AUTS2: variants seen among roughly 807,000 people sequenced by gnomAD.
AUTS2 encodes the protein activator of transcription and developmental regulator AUTS2, also known as autism susceptibility gene 2 protein.
AUTS2 carries 17 observed loss-of-function variants against 112.4 expected under a neutral mutation model. That is an observed-to-expected ratio of 0.15 (90% CI 0.10 to 0.23). The LOEUF (loss-of-function observed/expected upper bound fraction) is 0.23, where lower values mean the gene tolerates loss of function less well. Among genes scored for constraint, AUTS2 ranks in the 10% least tolerant of loss-of-function variants. AUTS2 has a pLI of 1.00. For synonymous variants in AUTS2, 751 were observed against 702.7 expected, an observed-to-expected ratio of 1.07 and a Z score of -1.09; for missense variants, 1,510 against 1,701.6, an observed-to-expected ratio of 0.89 and a Z score of 1.98.
intron 1 of AUTS2, among the ~76,000 whole-genome samples, chr7:69,737,756 T>C (rs1176977122): frequency 6.6e-6 from 1 of 152,210 alleles, no homozygotes; most frequent in Non-Finnish European, 1.5e-5. Context: ...TGCTTATTTG[T>C]CATGCATAAA....
At chr7:70,268,247 G>C (rs1000745060) in intron 4 of AUTS2, among the ~76,000 whole-genome samples, 8 of 152,116 alleles carry the variant, frequency 5.3e-5, no homozygotes, top group Non-Finnish European at 1.2e-4. Context: ...ACATTTTAGT[G>C]CTTCTGGATA....
intron 2 of AUTS2, among the ~76,000 whole-genome samples, chr7:70,068,404 T>G (rs1183406140): frequency 2.0e-5 from 3 of 151,994 alleles, no homozygotes; most frequent in African/African-American, 7.3e-5. Flanking sequence ...CAGGATGGTC[T>G]TGATCTCCTG....
intron 6 of AUTS2, among the ~76,000 whole-genome samples, chr7:70,720,317 C>T (rs1810595679): frequency 6.6e-6 from 1 of 152,050 alleles, no homozygotes; most frequent in Non-Finnish European, 1.5e-5. Context: ...AGTACACCCG[C>T]TGCCTCGGGG....
intron 1 of AUTS2, among the ~76,000 whole-genome samples, chr7:69,639,562 A>T (rs912328650): frequency 6.6e-6 from 1 of 152,184 alleles, no homozygotes; most frequent in African/African-American, 2.4e-5. Context: ...GTGTCTTTTC[A>T]TTTTCTGATC....
At chr7:70,242,923 A>G (rs1812699375) in intron 4 of AUTS2, among the ~76,000 whole-genome samples, 1 of 152,168 alleles carries the variant, frequency 6.6e-6, no homozygotes. Context: ...TTTCTTCTCT[A>G]AAGTAGTAAA....
chr7:70,193,359 T>C (rs34215431), intron 4 of AUTS2, among the ~76,000 whole-genome samples: 21,302 of 152,206 alleles, frequency 0.14, 1,501 homozygotes, highest in South Asian at 0.19. Context: ...GCAAATAGAT[T>C]TGTATCTTAA....
At chr7:69,603,090 G>T (rs921917693) in intron 1 of AUTS2, among the ~76,000 whole-genome samples, 1 of 152,184 alleles carries the variant, frequency 6.6e-6, no homozygotes, top group African/African-American at 2.4e-5. Flanking sequence ...TACGTAGTAT[G>T]TTTTCGGGCC....
At chr7:70,770,298 A>T (rs1790252485) in intron 10 of AUTS2, among the ~76,000 whole-genome samples, 1 of 152,234 alleles carries the variant, frequency 6.6e-6, no homozygotes, top group Non-Finnish European at 1.5e-5. Context: ...ACTTTGCTGC[A>T]TCATTGAAGG....
At chr7:69,745,213 T>C (rs1177713291) in intron 1 of AUTS2, among the ~76,000 whole-genome samples, 1 of 152,180 alleles carries the variant, frequency 6.6e-6, no homozygotes, top group African/African-American at 2.4e-5. Context: ...CTGGTGAGAA[T>C]AGTAACATCA....
At chr7:69,847,784 A>G (rs890607177) in intron 1 of AUTS2, among the ~76,000 whole-genome samples, 2 of 152,184 alleles carry the variant, frequency 1.3e-5, no homozygotes, top group African/African-American at 4.8e-5. Context: ...GAGGACAGAG[A>G]AAGGGAAGCT....
chr7:70,004,041 A>G (rs1268558346), intron 2 of AUTS2, among the ~76,000 whole-genome samples: 1 of 120,274 alleles, frequency 8.3e-6, no homozygotes, highest in Non-Finnish European at 1.6e-5. Context: ...TATATTATAT[A>G]TGAATGTGTT....
intron 6 of AUTS2, among the ~76,000 whole-genome samples, chr7:70,736,178 G>A (rs914152284): frequency 2.6e-5 from 4 of 151,766 alleles, no homozygotes; most frequent in African/African-American, 9.7e-5. Context: ...AAATCAAAGG[G>A]GAATGAAAGG....
In AUTS2 at chr7:70,496,755, AC is replaced by A. The variant is rs550650154; in HGVS notation, c.690+60978del. Among the ~76,000 whole-genome samples, 221 of 127,088 alleles carry A rather than the reference AC, an allele frequency of 1.7e-3. 3 individuals carry two copies. The highest frequency in any genetic ancestry group is 6.6e-3 in the African/African-American group (216 of 32,778). The allele number at this position is 127,088 out of a possible 152,430, so 83.4% of individuals were successfully genotyped here. ...CACGTCACATCAGCGTCGATCACACACCCCACTCACACCACGTACACAGTCA... is the reference window on the plus strand; with the variant it reads ...CACGTCACATCAGCGTCGATCACACACCCACTCACACCACGTACACAGTCA... On this transcript the variant is annotated intron_variant, in intron 5 of 18. Transcript: ENST00000342771.
chr7:70,109,782 C>T (rs1346148881), intron 2 of AUTS2, among the ~76,000 whole-genome samples: 1 of 152,126 alleles, frequency 6.6e-6, no homozygotes, highest in Non-Finnish European at 1.5e-5. Flanking sequence ...CATGTCCGGT[C>T]CCTGTCCCCC....
chr7:70,586,123 A>G (rs1449560760), intron 5 of AUTS2, among the ~76,000 whole-genome samples: 2 of 152,134 alleles, frequency 1.3e-5, no homozygotes, highest in Non-Finnish European at 2.9e-5. Flanking sequence ...TCAGCCTCCC[A>G]AAGTGCTGGG....
chr7:70,277,225 A>G (rs1280281105), intron 4 of AUTS2, among the ~76,000 whole-genome samples: 2 of 152,166 alleles, frequency 1.3e-5, no homozygotes, highest in East Asian at 3.9e-4. Flanking sequence ...AAGCCTTTGG[A>G]TGATCGAGAT....
At position 70,790,692 on chromosome 7, in the gene AUTS2, G is replaced by A; in HGVS notation, c.3476G>A (p.Arg1159Lys). The A allele has an allele frequency of 6.2e-7, 1 of 1,613,722 alleles. No homozygotes were observed. The highest frequency in any genetic ancestry group is 8.5e-7 in the Non-Finnish European group (1 of 1,179,974). Residue 1159 changes from arginine to lysine, a missense_variant, in exon 19 of 19, where the codon AGA (arginine) becomes AAA (lysine). By Grantham distance (26) the Arg-to-Lys change is conservative (BLOSUM62 2). Around this residue, in one of 3 missense-constraint regions of AUTS2, gnomAD observed 788 missense variants for 797.6 expected, o/e 0.99. Transcript: ENST00000342771. The surrounding 1 kb of genome is among the most constrained non-coding windows in gnomAD (Gnocchi z 7.6). ...LDERERLHML[R>K]EDYEHTRLHS... ...GAGCGGGAGCGCTTGCACATGCTCA[G>A]AGAAGACTACGAGCACACGCGGCTC...
intron 1 of AUTS2, among the ~76,000 whole-genome samples, chr7:69,776,972 G>A (rs534970621): frequency 2.9e-4 from 44 of 152,178 alleles, no homozygotes; most frequent in Non-Finnish European, 5.9e-4. Context: ...TTGAGTTAGT[G>A]CAGGGAGTCA....
chr7:69,867,593 G>T (rs1244289869), intron 1 of AUTS2, among the ~76,000 whole-genome samples: 6 of 152,066 alleles, frequency 3.9e-5, no homozygotes, highest in Non-Finnish European at 8.8e-5. Flanking sequence ...TTGGCCTTTT[G>T]TCCTTGCTTA....
Sources: allele counts gnomAD v4.1 joint callset (sites outside exome capture counted in the v4.1 genomes callset), GRCh38; gene constraint gnomAD v4.1.1; regional missense constraint gnomAD v4.1.1; non-coding constraint Gnocchi (gnomAD v3.1); transcripts MANE v1.5; gene names NCBI Gene and HGNC (gene_info 2026-07-23, HGNC 2026-07-21).